EPHA6: variants seen among roughly 807,000 people sequenced by gnomAD.
EPHA6 encodes EPH receptor A6.
A neutral mutation model predicts 112.0 loss-of-function variants in EPHA6; 50 were observed. That is an observed-to-expected ratio of 0.45 (90% CI 0.36 to 0.56). The LOEUF (loss-of-function observed/expected upper bound fraction) is 0.56, where lower values mean the gene tolerates loss of function less well. Among genes scored for constraint, EPHA6 ranks in the 20% least tolerant of loss-of-function variants. The pLI is 0.00. For missense variants in EPHA6, 1,280 were observed against 1,417.4 expected (o/e 0.90, Z 1.56); for synonymous variants, 529 against 490.7 (o/e 1.08, Z -1.03).
intron 11 of EPHA6, among the ~76,000 whole-genome samples, chr3:97,581,181 G>A (rs1313873663): frequency 6.6e-6 from 1 of 152,174 alleles, no homozygotes; most frequent in Non-Finnish European, 1.5e-5. Context: ...AAGGATATAT[G>A]TGGCCCATGT....
intron 2 of EPHA6, among the ~76,000 whole-genome samples, chr3:96,982,959 T>A (rs572782181): frequency 2.0e-5 from 3 of 152,250 alleles, no homozygotes; most frequent in East Asian, 3.9e-4. Context: ...TCTGCATATG[T>A]GATGGGTTTC....
At position 97,535,430 on chromosome 3, in the gene EPHA6, C is replaced by T. The variant is rs543238194; in HGVS notation, c.2386+2887C>T. On this transcript the variant is annotated intron_variant, in intron 11 of 17. Coordinates refer to ENST00000389672, the MANE Select transcript of EPHA6 (RefSeq NM_001080448.3). ...TGTAGCATTAACTTGTTAGAGTGAGCCCCGTATAGGGTGGTGTGGAGCTAC... is the reference window on the plus strand; with the variant it reads ...TGTAGCATTAACTTGTTAGAGTGAGTCCCGTATAGGGTGGTGTGGAGCTAC... Among the ~76,000 whole-genome samples, 12 of 152,154 alleles carry T rather than the reference C, an allele frequency of 7.9e-5. No individual in the cohort carries two copies. In the South Asian group the frequency reaches 2.5e-3, roughly 32 times the overall value.
At chr3:96,816,615 G>A (rs1171218973) in intron 1 of EPHA6, among the ~76,000 whole-genome samples, 5 of 152,084 alleles carry the variant, frequency 3.3e-5, no homozygotes, top group African/African-American at 9.7e-5. Flanking sequence ...TGAGAGTCAA[G>A]TGTACTAGAA....
At chr3:97,225,144 A>G (rs1258750161) in intron 3 of EPHA6, among the ~76,000 whole-genome samples, 1 of 152,072 alleles carries the variant, frequency 6.6e-6, no homozygotes, top group Non-Finnish European at 1.5e-5. Flanking sequence ...TTTAGTAGAG[A>G]GGGGGTTTCA....
At chr3:96,875,672 T>A (rs1458139824) in intron 2 of EPHA6, among the ~76,000 whole-genome samples, 1 of 149,954 alleles carries the variant, frequency 6.7e-6, no homozygotes, top group Admixed American at 7.1e-5. Context: ...GTATCCCCAC[T>A]GTTCTTTAAT....
intron 3 of EPHA6, among the ~76,000 whole-genome samples, chr3:97,036,801 A>G (rs1179685138): frequency 6.6e-6 from 1 of 151,998 alleles, no homozygotes; most frequent in Non-Finnish European, 1.5e-5. Context: ...TGTAATGGGC[A>G]CTTTAGATCC....
chr3:96,886,691 G>A (rs567434670), intron 2 of EPHA6, among the ~76,000 whole-genome samples: 1 of 152,278 alleles, frequency 6.6e-6, no homozygotes, highest in South Asian at 2.1e-4. Context: ...TTAGTATTGA[G>A]ATGTGAGGAT....
intron 7 of EPHA6, among the ~76,000 whole-genome samples, chr3:97,455,111 C>T (rs1347970991): frequency 6.6e-6 from 1 of 152,004 alleles, no homozygotes; most frequent in East Asian, 1.9e-4. Context: ...GTAGCGAAGG[C>T]CCCTCATAAT....
At chr3:97,585,416 C>T (rs374539872) in intron 11 of EPHA6, among the ~76,000 whole-genome samples, 4 of 152,064 alleles carry the variant, frequency 2.6e-5, no homozygotes, top group Non-Finnish European at 2.9e-5. Flanking sequence ...TTTTGTGATA[C>T]GCGTTCTACA....
At chr3:96,823,196 G>C (rs2033401958) in intron 1 of EPHA6, among the ~76,000 whole-genome samples, 1 of 151,642 alleles carries the variant, frequency 6.6e-6, no homozygotes, top group African/African-American at 2.4e-5. Context: ...TGAGTAAATA[G>C]AGAATTTAAG....
In EPHA6 at chr3:97,113,991, G is replaced by C. The variant is rs2047805921; in HGVS notation, c.1115-112273G>C. Reference sequence around the variant, plus strand: ...CAGAAATATTACTAGCTTTGCTTGGGGTATCTTGGGATAGATGGCCAGTTC... The same window carrying C: ...CAGAAATATTACTAGCTTTGCTTGGCGTATCTTGGGATAGATGGCCAGTTC... On this transcript the variant is annotated intron_variant, in intron 3 of 17. Coordinates refer to ENST00000389672, the MANE Select transcript of EPHA6 (RefSeq NM_001080448.3). 2.6e-5 allele frequency among the ~76,000 whole-genome samples: 4 copies of C among 152,006 alleles called. No homozygotes were observed. The South Asian group carries it at 8.3e-4, about 32-fold the overall frequency.
At chr3:97,041,742 A>T (rs1368762230) in intron 3 of EPHA6, among the ~76,000 whole-genome samples, 1 of 152,072 alleles carries the variant, frequency 6.6e-6, no homozygotes, top group Non-Finnish European at 1.5e-5. Flanking sequence ...CAGAAGGTGA[A>T]GGGGAAGCAG....
intron 13 of EPHA6, among the ~76,000 whole-genome samples, chr3:97,616,584 C>A (rs767492430): frequency 5.9e-5 from 9 of 152,096 alleles, no homozygotes; most frequent in Non-Finnish European, 2.9e-5. Context: ...GAGAACATAA[C>A]TGAACTGATT....
chr3:97,077,506 A>C (rs2046567546), intron 3 of EPHA6, among the ~76,000 whole-genome samples: 1 of 152,036 alleles, frequency 6.6e-6, no homozygotes. Flanking sequence ...CATCATTTAC[A>C]TTAGGTATTT....
At chr3:97,333,519 G>A (rs1215425282) in intron 5 of EPHA6, among the ~76,000 whole-genome samples, 2 of 142,362 alleles carry the variant, frequency 1.4e-5, no homozygotes, top group Admixed American at 7.2e-5. Context: ...TGTTGCCCAG[G>A]CTGGAGTGCG....
chr3:97,645,576 T>C (rs573764268), intron 14 of EPHA6, among the ~76,000 whole-genome samples: 14 of 148,238 alleles, frequency 9.4e-5, no homozygotes, highest in Middle Eastern at 3.4e-3. Flanking sequence ...GATGACGAGT[T>C]AGTGGGTGCA....
intron 3 of EPHA6, among the ~76,000 whole-genome samples, chr3:97,190,599 T>C (rs2077275516): frequency 6.6e-6 from 1 of 152,134 alleles, no homozygotes; most frequent in Non-Finnish European, 1.5e-5. Flanking sequence ...ATTATTTATG[T>C]TTTAATTGAC....
intron 4 of EPHA6, among the ~76,000 whole-genome samples, chr3:97,237,498 T>C (rs1576744751): frequency 6.6e-6 from 1 of 152,100 alleles, no homozygotes; most frequent in East Asian, 1.9e-4. Context: ...AGAATCGAGT[T>C]ACCACTTGTT....
intron 3 of EPHA6, among the ~76,000 whole-genome samples, chr3:97,147,183 G>C (rs1454945833): frequency 2.0e-5 from 3 of 151,994 alleles, no homozygotes; most frequent in African/African-American, 7.2e-5. Context: ...TCTTCTGCCT[G>C]AGCAGATATA....
Sources: gnomAD v4.1 joint callset for allele counts (sites outside exome capture counted in the v4.1 genomes callset) on GRCh38, gnomAD v4.1.1 for gene constraint, MANE v1.5 for transcripts, NCBI Gene and HGNC (gene_info 2026-07-23, HGNC 2026-07-21) for gene names.